The following RPTOR variants were observed in gnomAD, a reference collection of about 807,000 sequenced individuals.
RPTOR encodes the protein regulatory-associated protein of mTOR.
In RPTOR, 21 loss-of-function variants were observed where a neutral mutation model predicts 169.9. That is an observed-to-expected ratio of 0.12 (90% CI 0.09 to 0.18). The LOEUF (loss-of-function observed/expected upper bound fraction) is 0.18. Ranked by LOEUF, RPTOR falls within the 10% of genes least tolerant of loss-of-function variation. RPTOR has a pLI of 1.00. For missense variants in RPTOR, 1,133 were observed against 1,855.9 expected (o/e 0.61, Z 7.16); for synonymous variants, 732 against 753.2 (o/e 0.97, Z 0.46).
At chr17:80,668,431 C>T (rs750115286) in intron 3 of RPTOR, among the ~76,000 whole-genome samples, 1 of 152,160 alleles carries the variant, frequency 6.6e-6, no homozygotes, top group Non-Finnish European at 1.5e-5. Context: ...GATAGGTGGC[C>T]GCAGGAGGTC....
intron 17 of RPTOR, among the ~76,000 whole-genome samples, chr17:80,888,538 G>A (rs1178618478): frequency 6.6e-6 from 1 of 152,212 alleles, no homozygotes; most frequent in East Asian, 1.9e-4. Context: ...AAGGGGTAGA[G>A]GCGAGGTGGG....
intron 13 of RPTOR, among the ~76,000 whole-genome samples, chr17:80,879,072 G>A (rs148823971): frequency 1.3e-3 from 201 of 152,192 alleles, no homozygotes; most frequent in Non-Finnish European, 2.5e-3. Context: ...CAGGTTCTGC[G>A]TTTCGGCTGT....
intron 6 of RPTOR, among the ~76,000 whole-genome samples, chr17:80,765,032 A>T (rs1475570442): frequency 6.6e-6 from 1 of 152,246 alleles, no homozygotes; most frequent in East Asian, 1.9e-4. Context: ...AACAAAGATT[A>T]AAAAAACAAG....
At chr17:80,929,964 G>A (rs997143302) in intron 24 of RPTOR, among the ~76,000 whole-genome samples, 5 of 151,932 alleles carry the variant, frequency 3.3e-5, no homozygotes, top group Non-Finnish European at 5.9e-5. Context: ...AAGTCCCCTC[G>A]TGCCACCCTC....
rs369298398 is a variant in RPTOR, at chr17:80,956,079, G to C, written c.3371-1545G>C. On this transcript the variant is annotated intron_variant, in intron 28 of 33. Transcript: ENST00000306801. ...GAAGAGGTTTTTTGAAATGTGGAAG[G>C]CATGTTACGTTGTTGATGAGCGTGC... Among the ~76,000 whole-genome samples the C allele has an allele frequency of 5.3e-5, 8 of 152,332 alleles. No individual in the cohort carries two copies. The East Asian group carries it at 1.4e-3, about 26-fold the overall frequency.
At chr17:80,818,075 T>C (rs1348156022) in intron 7 of RPTOR, among the ~76,000 whole-genome samples, 1 of 152,206 alleles carries the variant, frequency 6.6e-6, no homozygotes, top group Non-Finnish European at 1.5e-5. Context: ...GCGCGGGCCC[T>C]GTTGGGGGGC....
At chr17:80,611,376 C>T (rs150517107) in intron 1 of RPTOR, among the ~76,000 whole-genome samples, 99 of 152,260 alleles carry the variant, frequency 6.5e-4, no homozygotes, top group African/African-American at 2.1e-3. Flanking sequence ...ATTCTCCTGC[C>T]TCAGCCTCCT....
Position 80,721,327 on chromosome 17 carries a change from C to T in RPTOR, c.508-9233C>T, listed in dbSNP as rs2315922. 0.077 allele frequency among the ~76,000 whole-genome samples: 11,696 copies of T among 151,326 alleles called. 671 individuals are homozygous for T. The highest frequency in any genetic ancestry group is 0.13 in the Middle Eastern group (38 of 294). On this transcript the variant is annotated intron_variant, in intron 4 of 33. Transcript: ENST00000306801. This position sits in a 1 kb window ranked among gnomAD's most constrained non-coding sequence, Gnocchi z 4.7. ...TGTGAGTCATTGAGGCTCCTGGACG[C>T]GGCGGAAGTGCAAGCGGGAAAAAGG...
intron 7 of RPTOR, among the ~76,000 whole-genome samples, chr17:80,816,494 C>A (rs1211244605): frequency 1.3e-5 from 2 of 152,204 alleles, no homozygotes; most frequent in African/African-American, 4.8e-5. Flanking sequence ...GCCAGGCAAG[C>A]CGAGGGTGAA....
At chr17:80,635,061 C>T (rs1022655527) in intron 2 of RPTOR, among the ~76,000 whole-genome samples, 4 of 152,230 alleles carry the variant, frequency 2.6e-5, no homozygotes, top group African/African-American at 9.7e-5. Flanking sequence ...GCTCCATCTT[C>T]TGACAGTGAC....
At chr17:80,904,113 C>A (rs1385258751) in intron 20 of RPTOR, among the ~76,000 whole-genome samples, 1 of 152,236 alleles carries the variant, frequency 6.6e-6, no homozygotes, top group African/African-American at 2.4e-5. Context: ...CTGTGGGCAG[C>A]TGCAGGGCCC....
intron 2 of RPTOR, among the ~76,000 whole-genome samples, chr17:80,636,716 C>G (rs1473382027): frequency 1.3e-5 from 2 of 152,096 alleles, no homozygotes; most frequent in Admixed American, 1.3e-4. Context: ...ATCACCCACA[C>G]CCCCGCAACA....
At chr17:80,780,203 G>A (rs995632907) in intron 6 of RPTOR, among the ~76,000 whole-genome samples, 3 of 152,128 alleles carry the variant, frequency 2.0e-5, no homozygotes, top group Non-Finnish European at 2.9e-5. Flanking sequence ...GATAAATGTC[G>A]CAATCACAAG....
intron 12 of RPTOR, among the ~76,000 whole-genome samples, chr17:80,857,238 C>A (rs912492022): frequency 1.4e-4 from 21 of 152,346 alleles, no homozygotes; most frequent in African/African-American, 4.6e-4. Context: ...GCCAGTGAGC[C>A]CCTGGGCAAC....
At chr17:80,870,113 A>G (rs1171153381) in intron 13 of RPTOR, among the ~76,000 whole-genome samples, 1 of 152,226 alleles carries the variant, frequency 6.6e-6, no homozygotes, top group Non-Finnish European at 1.5e-5. Context: ...GGTTTTTCAT[A>G]GATAAAATTA....
intron 11 of RPTOR, among the ~76,000 whole-genome samples, chr17:80,851,168 ATCCTCCAGCTTCAGCCTTCCAAAGTG>A (rs1267309202): frequency 6.6e-6 from 1 of 152,274 alleles, no homozygotes; most frequent in East Asian, 1.9e-4. Flanking sequence ...GCCTCAAGCG[ATCCTCCAGCTTCAGCCTTCCAAAGTG>A]TTTGCATTAC....
chr17:80,768,235 A>C (rs1307773446), intron 6 of RPTOR, among the ~76,000 whole-genome samples: 4 of 152,010 alleles, frequency 2.6e-5, no homozygotes, highest in African/African-American at 7.3e-5. Context: ...CTAGTCATTT[A>C]CTGTTGGCTC....
chr17:80,761,500 C>T (rs56055060), intron 6 of RPTOR, among the ~76,000 whole-genome samples: 10,463 of 152,194 alleles, frequency 0.069, 361 homozygotes, highest in Non-Finnish European at 0.079. Context: ...GGTTTCCTGG[C>T]GCGCAGGTTG....
intron 7 of RPTOR, among the ~76,000 whole-genome samples, chr17:80,795,194 A>C (rs923744425): frequency 7.2e-4 from 110 of 152,282 alleles, no homozygotes; most frequent in African/African-American, 2.3e-3. Flanking sequence ...GGAAACAGAG[A>C]CCTGGATTTG....
Sources: allele counts gnomAD v4.1 joint callset (sites outside exome capture counted in the v4.1 genomes callset), GRCh38; gene constraint gnomAD v4.1.1; non-coding constraint Gnocchi (gnomAD v3.1); transcripts MANE v1.5; gene names NCBI Gene and HGNC (gene_info 2026-07-23, HGNC 2026-07-21).